The following MAP2K1 variants were observed in gnomAD, a reference collection of about 807,000 sequenced individuals.
The protein encoded by MAP2K1 is mitogen-activated protein kinase kinase 1.
MAP2K1 carries 16 observed loss-of-function variants against 46.3 expected under a neutral mutation model. The ratio of observed to expected loss-of-function variants is 0.35; its 90% CI spans 0.23 to 0.52. The LOEUF (loss-of-function observed/expected upper bound fraction) is 0.52. MAP2K1 is among the 20% of genes least tolerant of loss of function. MAP2K1 has a pLI of 0.94. For missense variants in MAP2K1, 263 were observed against 497.1 expected, an observed-to-expected ratio of 0.53 and a Z score of 4.48; for synonymous variants, 183 against 185.6, an observed-to-expected ratio of 0.99 and a Z score of 0.11.
chr15:66,485,007 G>A lies in MAP2K1; in HGVS notation c.711G>A (p.Gly237=), dbSNP rs17586159. ...RSYMSPERLQ[G]THYSVQSDIW... ...TCCTGCAGCCAGAAAGACTCCAGGGGACTCATTACTCTGTGCAGTCAGACA... is the reference window on the plus strand; with the variant it reads ...TCCTGCAGCCAGAAAGACTCCAGGGAACTCATTACTCTGTGCAGTCAGACA... Residue 237 remains glycine (G), a synonymous_variant, in exon 7 of 11, where the codon GGG becomes GGA. Transcript: ENST00000307102. The A allele has an allele frequency of 0.017, 27,274 of 1,613,370 alleles. 274 individuals are homozygous for A. Among genetic ancestry groups the A allele is most frequent in the Non-Finnish European group, 0.021 (24,270 of 1,179,972 alleles).
intron 1 of MAP2K1, among the ~76,000 whole-genome samples, chr15:66,430,041 A>G (rs1173658607): frequency 6.6e-6 from 1 of 152,028 alleles, no homozygotes; most frequent in Non-Finnish European, 1.5e-5. Flanking sequence ...TTTCTTATGG[A>G]TATGGAACTG....
intron 1 of MAP2K1, among the ~76,000 whole-genome samples, chr15:66,422,231 A>AT (rs1225346862): frequency 6.6e-6 from 1 of 152,090 alleles, no homozygotes; most frequent in East Asian, 1.9e-4. Context: ...GTATACATTC[A>AT]TTTTTCCCCC....
chr15:66,474,683 G>A (rs1409570367), intron 5 of MAP2K1, among the ~76,000 whole-genome samples: 1 of 152,006 alleles, frequency 6.6e-6, no homozygotes, highest in Non-Finnish European at 1.5e-5. Flanking sequence ...TCTAACCCTT[G>A]GCCCTATCGT....
chr15:66,390,578 C>T (rs1164509178), intron 1 of MAP2K1, among the ~76,000 whole-genome samples: 1 of 152,054 alleles, frequency 6.6e-6, no homozygotes, highest in Non-Finnish European at 1.5e-5. Context: ...TTGTAGGGGT[C>T]CTCAAAGAAA....
Position 66,417,136 on chromosome 15 carries a change from A to G in MAP2K1, c.81-17891A>G, listed in dbSNP as rs185138801. On this transcript the variant is annotated intron_variant, in intron 1 of 10. Coordinates refer to ENST00000307102, the MANE Select transcript of MAP2K1 (RefSeq NM_002755.4). Reference sequence around the variant, plus strand: ...CCCACCCCACATCTTTTTTCAGAAGACAGAAGCAAGCACTATCAGTTTTGG... The same window carrying G: ...CCCACCCCACATCTTTTTTCAGAAGGCAGAAGCAAGCACTATCAGTTTTGG... 5.3e-5 allele frequency among the ~76,000 whole-genome samples: 8 copies of G among 152,288 alleles called. No homozygotes were observed. In the East Asian group the frequency reaches 1.2e-3, roughly 22 times the overall value.
chr15:66,480,211 C>T (rs1268456751), intron 5 of MAP2K1, among the ~76,000 whole-genome samples: 1 of 152,130 alleles, frequency 6.6e-6, no homozygotes, highest in African/African-American at 2.4e-5. Flanking sequence ...GCCTCAGCCT[C>T]CCAAGTAGAT....
intron 1 of MAP2K1, among the ~76,000 whole-genome samples, chr15:66,398,514 T>C (rs10851756): frequency 0.98 from 148,837 of 151,832 alleles, 73,021 homozygotes; most frequent in South Asian, 1. Flanking sequence ...GGGTTGGGCA[T>C]GGTGGCTCAC....
chr15:66,482,072 A>G (rs1163517020), intron 6 of MAP2K1, among the ~76,000 whole-genome samples, 193 bp downstream of exon 6: 1 of 152,162 alleles, frequency 6.6e-6, no homozygotes, highest in East Asian at 1.9e-4. Flanking sequence ...GCCTTGGAGC[A>G]TAACTGGGAT....
At position 66,403,999 on chromosome 15, in the gene MAP2K1, C is replaced by G. The variant is rs182926525; in HGVS notation, c.80+16572C>G. Among the ~76,000 whole-genome samples, 173 of 152,252 alleles carry G rather than the reference C, an allele frequency of 1.1e-3. 1 individual carries two copies. The highest frequency in any genetic ancestry group is 3.8e-3 in the African/African-American group (158 of 41,534). On this transcript the variant is annotated intron_variant, in intron 1 of 10. Transcript: ENST00000307102. The stretch of plus-strand genomic sequence containing the variant: ...ACTCAAATCCAGATAGAAATTCTAC[C>G]AAAATGCCAGCCTGTATTTCAGCTC...
At chr15:66,481,659 C>T (rs1370855467) in intron 5 of MAP2K1, 96 bp from the exon 6 acceptor site, 2 of 1,426,860 alleles carry the variant, frequency 1.4e-6, no homozygotes, top group Middle Eastern at 2.4e-4. Flanking sequence ...GGTCCTGGGA[C>T]TCGTGGTCAG....
chr15:66,459,031 T>G (rs1892243053), intron 5 of MAP2K1, among the ~76,000 whole-genome samples: 1 of 152,136 alleles, frequency 6.6e-6, no homozygotes, highest in African/African-American at 2.4e-5. Flanking sequence ...AAAGTGTTTT[T>G]GGGCCGGGCA....
intron 5 of MAP2K1, among the ~76,000 whole-genome samples, chr15:66,452,297 A>G (rs12916095): frequency 5.5e-5 from 2 of 36,332 alleles, no homozygotes; most frequent in African/African-American, 1.9e-4. Context: ...TAAAAAAAAA[A>G]AAAAAAGAAA....
At chr15:66,420,749 G>GTATATATA (rs1567002952) in intron 1 of MAP2K1, among the ~76,000 whole-genome samples, 3 of 45,124 alleles carry the variant, frequency 6.6e-5, no homozygotes, top group Non-Finnish European at 1.0e-4. Flanking sequence ...GTGTGTGTGT[G>GTATATATA]TGTGTGTGTG....
chr15:66,448,168 A>AAC (rs1382658511), intron 5 of MAP2K1, among the ~76,000 whole-genome samples: 1 of 151,566 alleles, frequency 6.6e-6, no homozygotes, highest in Non-Finnish European at 1.5e-5. Flanking sequence ...AAAAAAAAAA[A>AAC]AAAAACCCAC....
At position 66,420,725 on chromosome 15, in the gene MAP2K1, G is replaced by GTATATA. The variant is rs1567002923; in HGVS notation, c.81-14301_81-14300insATATAT. Among the ~76,000 whole-genome samples, 7 of 37,730 alleles carry GTATATA rather than the reference G, an allele frequency of 1.9e-4. 2 individuals are homozygous for GTATATA. Among genetic ancestry groups the GTATATA allele is most frequent in the African/African-American group, 4.0e-4 (4 of 10,092 alleles). The allele number at this position is 37,730 out of a possible 152,430, so 24.8% of individuals were successfully genotyped here. A position where few individuals can be genotyped will look rare whatever the true frequency, so the allele number is the denominator to read the frequency against. On this transcript the variant is annotated intron_variant, in intron 1 of 10. Coordinates refer to ENST00000307102, the MANE Select transcript of MAP2K1 (RefSeq NM_002755.4). ...TCTTGGCATATATATATATATATGTGTGTGTGTGTGTGTGTGTGTGTGTGT... is the reference window on the plus strand; with the variant it reads ...TCTTGGCATATATATATATATATGTGTATATATGTGTGTGTGTGTGTGTGTGTGTGT...
intron 5 of MAP2K1, among the ~76,000 whole-genome samples, chr15:66,469,271 T>A (rs1892548609): frequency 6.6e-6 from 1 of 152,166 alleles, no homozygotes; most frequent in African/African-American, 2.4e-5. Context: ...AAAAGTTTTT[T>A]AAACAAAGAC....
At chr15:66,435,576 C>T (rs1203835632) in intron 2 of MAP2K1, among the ~76,000 whole-genome samples, 1 of 152,114 alleles carries the variant, frequency 6.6e-6, no homozygotes, top group African/African-American at 2.4e-5. Flanking sequence ...GATACGCCCG[C>T]CTCAGCCCCA....
At chr15:66,471,477 A>G (rs922761883) in intron 5 of MAP2K1, among the ~76,000 whole-genome samples, 1 of 152,170 alleles carries the variant, frequency 6.6e-6, no homozygotes, top group Non-Finnish European at 1.5e-5. Context: ...AGTAGATGAT[A>G]GAGCTAGGAT....
At chr15:66,397,637 G>A (rs1378807868) in intron 1 of MAP2K1, among the ~76,000 whole-genome samples, 4 of 152,124 alleles carry the variant, frequency 2.6e-5, no homozygotes, top group Non-Finnish European at 4.4e-5. Context: ...TATTTCATAC[G>A]CTGCTTGTCC....
Sources: allele counts gnomAD v4.1 joint callset (sites outside exome capture counted in the v4.1 genomes callset), GRCh38; gene constraint gnomAD v4.1.1; transcripts MANE v1.5; gene names NCBI Gene and HGNC (gene_info 2026-07-23, HGNC 2026-07-21).